Variants in SEMA3A observed in about 807,000 individuals in gnomAD.
The protein encoded by SEMA3A is semaphorin-3A.
SEMA3A carries 29 observed loss-of-function variants against 97.9 expected under a neutral mutation model. That is an observed-to-expected ratio of 0.30 (90% CI 0.22 to 0.40). The LOEUF (loss-of-function observed/expected upper bound fraction) is 0.40. SEMA3A is among the 10% of genes least tolerant of loss of function. SEMA3A has a pLI of 1.00. For synonymous variants in SEMA3A, 321 were observed against 323.7 expected, an observed-to-expected ratio of 0.99 and a Z score of 0.09; for missense variants, 763 against 951.3, an observed-to-expected ratio of 0.80 and a Z score of 2.60.
rs529220464 is a variant in SEMA3A, at chr7:84,251,392, G to T, written c.-83+55815C>A. ...ATTTACATGATTGTTAGCCAAGAGT[G>T]TGCTTCCAAGTGGACAGGAGGACTT... On this transcript the variant is annotated intron_variant, in intron 3 of 3. Coordinates refer to the SEMA3A transcript ENST00000424555. 5.6e-4 allele frequency among the ~76,000 whole-genome samples: 85 copies of T among 152,178 alleles called. 1 individual carries two copies. Among genetic ancestry groups the T allele is most frequent in the Non-Finnish European group, 9.8e-4 (67 of 68,022 alleles).
chr7:84,084,877 CT>C (rs1312482021), intron 4 of SEMA3A, among the ~76,000 whole-genome samples: 1 of 152,002 alleles, frequency 6.6e-6, no homozygotes, highest in African/African-American at 2.4e-5. Context: ...AAAGCTAGCT[CT>C]TGTTTATTTG....
chr7:84,091,023 C>T (rs1455234747), intron 4 of SEMA3A, among the ~76,000 whole-genome samples: 1 of 148,112 alleles, frequency 6.8e-6, no homozygotes, highest in African/African-American at 2.5e-5. Flanking sequence ...GCTGAGATCA[C>T]GAGATCATGC....
intron 2 of SEMA3A, among the ~76,000 whole-genome samples, chr7:84,358,151 T>A (rs1015595546): frequency 6.6e-6 from 1 of 152,232 alleles, no homozygotes; most frequent in Non-Finnish European, 1.5e-5. Context: ...TTTGATCCCA[T>A]TTGTCAATTT....
At chr7:83,968,581 C>T (rs1237071409) in intron 15 of SEMA3A, among the ~76,000 whole-genome samples, 1 of 152,012 alleles carries the variant, frequency 6.6e-6, no homozygotes, top group Non-Finnish European at 1.5e-5. Context: ...GTATGTCTTA[C>T]CCTTATAACT....
intron 1 of SEMA3A, among the ~76,000 whole-genome samples, chr7:84,192,539 AT>A (rs2116272515): frequency 6.6e-6 from 1 of 152,028 alleles, no homozygotes; most frequent in East Asian, 1.9e-4. Flanking sequence ...ACAATATCAA[AT>A]ATATACACCT....
At chr7:84,128,031 T>A (rs973704399) in intron 3 of SEMA3A, among the ~76,000 whole-genome samples, 2 of 152,164 alleles carry the variant, frequency 1.3e-5, no homozygotes, top group African/African-American at 4.8e-5. Flanking sequence ...ATAAAACTAC[T>A]TTTCATGGTC....
At chr7:84,489,948 A>C (rs965329122) in intron 1 of SEMA3A, among the ~76,000 whole-genome samples, 2 of 152,060 alleles carry the variant, frequency 1.3e-5, no homozygotes, top group Non-Finnish European at 2.9e-5. Flanking sequence ...CATATGTAAT[A>C]AATACAGTAT....
At chr7:84,024,885 C>T (rs1436008678) in intron 6 of SEMA3A, among the ~76,000 whole-genome samples, 6 of 151,844 alleles carry the variant, frequency 4.0e-5, no homozygotes, top group East Asian at 1.9e-4. Context: ...GTGAGGAGTT[C>T]GAGACCAGCC....
chr7:84,259,962 A>AGCAAAACTTTTT (rs1205292975), intron 3 of SEMA3A, among the ~76,000 whole-genome samples: 1 of 152,174 alleles, frequency 6.6e-6, no homozygotes, highest in Non-Finnish European at 1.5e-5. Flanking sequence ...GCCGATACAC[A>AGCAAAACTTTTT]GCAAAACTTT....
intron 4 of SEMA3A, among the ~76,000 whole-genome samples, chr7:84,068,329 C>T (rs1317954497): frequency 5.5e-5 from 8 of 144,406 alleles, no homozygotes; most frequent in South Asian, 2.2e-4. Flanking sequence ...TGCTAGATGA[C>T]GAGTTAGTGG....
At chr7:84,086,586 TTATTA>T (rs952618108) in intron 4 of SEMA3A, among the ~76,000 whole-genome samples, 14 of 52,506 alleles carry the variant, frequency 2.7e-4, no homozygotes, top group East Asian at 2.1e-3. Context: ...ATATAATATA[TTATTA>T]TATTATATTT....
intron 1 of SEMA3A, among the ~76,000 whole-genome samples, chr7:84,388,047 A>G (rs536775911): frequency 6.6e-6 from 1 of 152,246 alleles, no homozygotes; most frequent in South Asian, 2.1e-4. Context: ...ATGTTAAAAT[A>G]TTGCCTTTAA....
intron 4 of SEMA3A, among the ~76,000 whole-genome samples, chr7:84,065,880 A>G (rs1793466556): frequency 6.6e-6 from 1 of 151,826 alleles, no homozygotes; most frequent in African/African-American, 2.4e-5. Context: ...AAACTATTCC[A>G]ATCAATAGAA....
At chr7:84,436,230 A>G (rs1485903356) in intron 1 of SEMA3A, among the ~76,000 whole-genome samples, 1 of 152,196 alleles carries the variant, frequency 6.6e-6, no homozygotes, top group Admixed American at 6.5e-5. Flanking sequence ...TAAGAATCCT[A>G]GAAGAAAACC....
At chr7:84,378,287 T>C (rs1803160931) in intron 1 of SEMA3A, among the ~76,000 whole-genome samples, 1 of 151,994 alleles carries the variant, frequency 6.6e-6, no homozygotes, top group African/African-American at 2.4e-5. Flanking sequence ...CTATTTACAA[T>C]AGCAAAGACT....
chr7:84,100,461 A>G (rs1794927105), intron 4 of SEMA3A, among the ~76,000 whole-genome samples: 1 of 152,180 alleles, frequency 6.6e-6, no homozygotes, highest in Non-Finnish European at 1.5e-5. Context: ...TAAAATGAAG[A>G]TACTGAGAGT....
chr7:84,310,443 A>G (rs1288712234), intron 2 of SEMA3A, among the ~76,000 whole-genome samples: 1 of 152,088 alleles, frequency 6.6e-6, no homozygotes, highest in Admixed American at 6.5e-5. Flanking sequence ...AGTGTCAGGT[A>G]AAGATTCCTA....
intron 1 of SEMA3A, among the ~76,000 whole-genome samples, chr7:84,417,429 A>G (rs1804466212): frequency 6.6e-6 from 1 of 152,104 alleles, no homozygotes; most frequent in Admixed American, 6.6e-5. Context: ...AAGATTCTGA[A>G]AAAATAAACT....
intron 1 of SEMA3A, among the ~76,000 whole-genome samples, chr7:84,384,872 C>A (rs1803359789): frequency 6.6e-6 from 1 of 152,048 alleles, no homozygotes; most frequent in Non-Finnish European, 1.5e-5. Flanking sequence ...ATGAAACAGT[C>A]TGCAATTCAT....
Sources: gnomAD v4.1 joint callset for allele counts (sites outside exome capture counted in the v4.1 genomes callset) on GRCh38, gnomAD v4.1.1 for gene constraint, MANE v1.5 for transcripts, NCBI Gene and HGNC (gene_info 2026-07-23, HGNC 2026-07-21) for gene names.